Variants in CARMIL1 observed in about 807,000 individuals in gnomAD.
CARMIL1 encodes the protein capping protein regulator and myosin 1 linker 1, also known as F-actin-uncapping protein LRRC16A.
CARMIL1 carries 90 observed loss-of-function variants against 177.1 expected under a neutral mutation model. That is an observed-to-expected ratio of 0.51 (90% CI 0.43 to 0.61). The LOEUF is 0.61. Ranked by LOEUF, CARMIL1 falls within the 20% of genes least tolerant of loss-of-function variation. CARMIL1 has a pLI of 0.00. For synonymous variants in CARMIL1, 577 were observed against 606.2 expected, an observed-to-expected ratio of 0.95 and a Z score of 0.71; for missense variants, 1,380 against 1,667.0, an observed-to-expected ratio of 0.83 and a Z score of 3.00.
At chr6:25,337,516 C>T (rs918385639) in intron 2 of CARMIL1, among the ~76,000 whole-genome samples, 14 of 152,172 alleles carry the variant, frequency 9.2e-5, no homozygotes, top group African/African-American at 3.1e-4. Flanking sequence ...ATTGTCTTGT[C>T]ACACAATGGT....
rs1490164104 is a variant in CARMIL1, at chr6:25,614,231, G to A, written c.3979+4050G>A. ...CATGTGCTCACTTGCCTGGGGTTCC[G>A]GCGTATACTAGCTAGGTGGCAGGGT... On this transcript the variant is annotated intron_variant, in intron 36 of 36. Transcript: ENST00000329474. Among the ~76,000 whole-genome samples the A allele has an allele frequency of 7.9e-5, 12 of 152,152 alleles. No homozygotes were observed. The South Asian group carries it at 1.9e-3, about 24-fold the overall frequency.
At chr6:25,308,377 A>ATTTTT (rs35167760) in intron 2 of CARMIL1, among the ~76,000 whole-genome samples, 1 of 118,846 alleles carries the variant, frequency 8.4e-6, no homozygotes, top group African/African-American at 3.3e-5. Context: ...TTGTACAACC[A>ATTTTT]TTTTTTTTTT....
intron 2 of CARMIL1, among the ~76,000 whole-genome samples, chr6:25,309,531 C>T (rs1783599667): frequency 6.6e-6 from 1 of 151,526 alleles, no homozygotes; most frequent in African/African-American, 2.4e-5. Flanking sequence ...ACACTTATCC[C>T]CAGTCCACCT....
chr6:25,597,800 A>T (rs1473170235), intron 32 of CARMIL1, among the ~76,000 whole-genome samples: 1 of 152,166 alleles, frequency 6.6e-6, no homozygotes, highest in Non-Finnish European at 1.5e-5. Flanking sequence ...GCTTCCTGAG[A>T]AAGACAGTTT....
At chr6:25,570,828 A>G (rs1812008028) in intron 29 of CARMIL1, among the ~76,000 whole-genome samples, 1 of 152,216 alleles carries the variant, frequency 6.6e-6, no homozygotes, top group South Asian at 2.1e-4. Flanking sequence ...ATCTCTACAT[A>G]TCATTCCTCC....
chr6:25,279,582 A>ATTT lies in CARMIL1; in HGVS notation c.-214_-213insTTT, dbSNP rs1367768732. 5 of 599,134 alleles carry ATTT rather than the reference A, an allele frequency of 8.3e-6. No individual in the cohort carries two copies. The highest frequency in any genetic ancestry group is 1.5e-5 in the Non-Finnish European group (5 of 335,086). 37.1% of individuals were successfully genotyped at this position (599,134 alleles called of 1,614,324 possible). On this transcript the variant is annotated 5_prime_UTR_variant, in exon 1 of 37. Coordinates refer to ENST00000329474, the MANE Select transcript of CARMIL1 (RefSeq NM_017640.6). ...CTGCGAGGAGGCGTCATGTAGCAGC[A>ATTT]GCAGCAAATCCGCCTCGCATTTGCA...
intron 11 of CARMIL1, among the ~76,000 whole-genome samples, chr6:25,478,928 AAATGGAAATACT>A (rs1801836455): frequency 6.6e-6 from 1 of 152,176 alleles, no homozygotes; most frequent in Non-Finnish European, 1.5e-5. Flanking sequence ...CTTATTTTTG[AAATGGAAATACT>A]TCATTGTATT....
At chr6:25,312,046 C>T (rs1783864587) in intron 2 of CARMIL1, among the ~76,000 whole-genome samples, 1 of 152,232 alleles carries the variant, frequency 6.6e-6, no homozygotes, top group Non-Finnish European at 1.5e-5. Context: ...TTGTCCTGTG[C>T]TCATGGAACT....
chr6:25,285,017 T>C, intron 2 of CARMIL1, 108 bp downstream of exon 2: 1 of 678,412 alleles, frequency 1.5e-6, no homozygotes, highest in Non-Finnish European at 2.5e-6. Flanking sequence ...TTATATATTG[T>C]TCAAAAGTTC....
chr6:25,503,004 A>G (rs1003761106), intron 17 of CARMIL1, among the ~76,000 whole-genome samples: 5 of 152,248 alleles, frequency 3.3e-5, no homozygotes, highest in East Asian at 1.9e-4. Context: ...GATGAACCCT[A>G]TAAAACTGAT....
intron 2 of CARMIL1, among the ~76,000 whole-genome samples, chr6:25,303,458 A>AGTGCTCT (rs1221814036): frequency 6.6e-6 from 1 of 152,220 alleles, no homozygotes; most frequent in Non-Finnish European, 1.5e-5. Context: ...CTGGGTGAGA[A>AGTGCTCT]GTGCTCTGTG....
intron 2 of CARMIL1, among the ~76,000 whole-genome samples, chr6:25,333,301 G>A (rs1785885344): frequency 6.6e-6 from 1 of 152,300 alleles, no homozygotes; most frequent in Non-Finnish European, 1.5e-5. Context: ...AGTGGCTCAT[G>A]TCTGTTATCC....
chr6:25,523,181 G>A (rs1806745893), intron 23 of CARMIL1, among the ~76,000 whole-genome samples: 1 of 152,106 alleles, frequency 6.6e-6, no homozygotes, highest in Non-Finnish European at 1.5e-5. Context: ...TATGGCAAAA[G>A]AAATCAAGAT....
intron 12 of CARMIL1, among the ~76,000 whole-genome samples, chr6:25,486,713 T>A (rs1802692496): frequency 6.6e-6 from 1 of 152,178 alleles, no homozygotes; most frequent in African/African-American, 2.4e-5. Context: ...ACTGCCAAGC[T>A]TTTGTTCTTG....
Position 25,510,614 on chromosome 6 carries a change from T to G in CARMIL1, c.1577+8T>G. The G allele has an allele frequency of 6.5e-7, 1 of 1,529,340 alleles. No homozygotes were observed. The highest frequency in any genetic ancestry group is 8.8e-7 in the Non-Finnish European group (1 of 1,129,980). 94.7% of individuals were successfully genotyped at this position (1,529,340 alleles called of 1,614,324 possible). On this transcript the variant is annotated splice_region_variant and intron_variant, in intron 19 of 36. Coordinates refer to ENST00000329474, the MANE Select transcript of CARMIL1 (RefSeq NM_017640.6). Reference sequence around the variant, plus strand: ...TAATAATATGAAATCCAAGTAAGAGTTTTGAATTTTTTTATATGACAATGA... The same window carrying G: ...TAATAATATGAAATCCAAGTAAGAGGTTTGAATTTTTTTATATGACAATGA...
intron 11 of CARMIL1, among the ~76,000 whole-genome samples, chr6:25,481,714 A>G (rs1366819878): frequency 6.6e-6 from 1 of 152,222 alleles, no homozygotes; most frequent in Non-Finnish European, 1.5e-5. Flanking sequence ...ATTCCTGGTG[A>G]GTTATCCAAA....
rs187822265 is a variant in CARMIL1, at chr6:25,619,385, T to C, written c.3980-62T>C. On this transcript the variant is annotated intron_variant, in intron 36 of 36. Transcript: ENST00000329474. ...TCAAGGCTACTGCATCTCAGCCCAT[T>C]ATCAGTCAGGCCACTGGTATTACTT... is the stretch of plus-strand genomic sequence containing the variant. The C allele has an allele frequency of 1.1e-5, 17 of 1,527,470 alleles. No individual in the cohort carries two copies. In the East Asian group the frequency reaches 4.1e-4, roughly 37 times the overall value. The allele number at this position is 1,527,470 out of a possible 1,614,324, so 94.6% of individuals were successfully genotyped here.
chr6:25,391,299 T>C (rs1197000738), intron 2 of CARMIL1, among the ~76,000 whole-genome samples: 2 of 152,162 alleles, frequency 1.3e-5, no homozygotes, highest in African/African-American at 4.8e-5. Context: ...CCAGGGAACG[T>C]TGATAATTAC....
intron 2 of CARMIL1, among the ~76,000 whole-genome samples, chr6:25,322,697 G>T: frequency 6.6e-6 from 1 of 152,314 alleles, no homozygotes; most frequent in African/African-American, 2.4e-5. Flanking sequence ...GAGTTACTGG[G>T]TTGATAGTCT....
Sources: allele counts gnomAD v4.1 joint callset (sites outside exome capture counted in the v4.1 genomes callset), GRCh38; gene constraint gnomAD v4.1.1; transcripts MANE v1.5; gene names NCBI Gene and HGNC (gene_info 2026-07-23, HGNC 2026-07-21).